Variants in SBF2 observed in about 807,000 individuals in gnomAD.
The protein encoded by SBF2 is myotubularin-related protein 13.
A neutral mutation model predicts 225.2 loss-of-function variants in SBF2; 112 were observed. The observed-to-expected ratio is 0.50, with a 90% confidence interval of 0.43 to 0.58. SBF2 has a LOEUF of 0.58. SBF2 is among the 20% of genes least tolerant of loss of function. The probability of loss-of-function intolerance (pLI) is 0.00; values close to 1 mark genes in which losing one functional copy is unlikely to be tolerated. For missense variants in SBF2, 1,996 were observed against 2,206.2 expected (o/e 0.90, Z 1.91); for synonymous variants, 763 against 773.3 (o/e 0.99, Z 0.22).
Position 10,124,692 on chromosome 11 carries a change from A to G in SBF2, c.141+69210T>C, listed in dbSNP as rs1193117173. Among the ~76,000 whole-genome samples the G allele has an allele frequency of 5.3e-5, 8 of 152,306 alleles. No homozygotes were observed. In the South Asian group the frequency reaches 1.5e-3, roughly 28 times the overall value. ...TTTATTTGTAGATAGAGCTATCACA[A>G]TGTTATTCCTTTAAAGCACCTGGGC... On this transcript the variant is annotated intron_variant, in intron 2 of 39. Coordinates refer to ENST00000256190, the MANE Select transcript of SBF2 (RefSeq NM_030962.4).
intron 16 of SBF2, chr11:9,957,779 T>G (rs1437536344): frequency 6.6e-6 from 1 of 152,070 alleles, no homozygotes; most frequent in East Asian, 1.9e-4. Flanking sequence ...CATTTAAATA[T>G]AAAAACACTA....
At chr11:10,197,730 C>T (rs1250393655) in intron 1 of SBF2, among the ~76,000 whole-genome samples, 1 of 152,256 alleles carries the variant, frequency 6.6e-6, no homozygotes, top group African/African-American at 2.4e-5. Flanking sequence ...AATCATTCCT[C>T]TCAAACCCTG....
At chr11:10,064,136 G>C (rs1186845222) in intron 2 of SBF2, among the ~76,000 whole-genome samples, 1 of 152,018 alleles carries the variant, frequency 6.6e-6, no homozygotes, top group Non-Finnish European at 1.5e-5. Context: ...TAACACTGCA[G>C]CATGGGGTTT....
Position 9,808,188 on chromosome 11 carries a change from A to G in SBF2, c.4258-3T>C. Reference sequence around the variant, plus strand: ...AGTAACTGAACCAGGGATGTCACCTAGGGCATAAGCAGGATGGATTGTCAT... The same window carrying G: ...AGTAACTGAACCAGGGATGTCACCTGGGGCATAAGCAGGATGGATTGTCAT... On this transcript the variant is annotated splice_polypyrimidine_tract_variant and splice_region_variant and intron_variant, in intron 31 of 39. Coordinates refer to ENST00000256190, the MANE Select transcript of SBF2 (RefSeq NM_030962.4). 6.2e-7 allele frequency: 1 copy of G among 1,613,330 alleles called. No homozygotes were observed. Among genetic ancestry groups the G allele is most frequent in the Non-Finnish European group, 8.5e-7 (1 of 1,179,608 alleles).
chr11:9,974,531 A>G (rs1946588711), intron 13 of SBF2, among the ~76,000 whole-genome samples: 1 of 151,998 alleles, frequency 6.6e-6, no homozygotes, highest in Non-Finnish European at 1.5e-5. Flanking sequence ...TACGAAGGCA[A>G]CATACAGTGA....
In SBF2 at chr11:9,946,595, C is replaced by A. The variant is rs538319344; in HGVS notation, c.1860+15362G>T. ...CCTCCCGAGTAGCTGGGATTACAGG[C>A]ATGCGCCACCATGCCTGGCTAATTT... On this transcript the variant is annotated intron_variant, in intron 16 of 39. Transcript: ENST00000256190. Among the ~76,000 whole-genome samples, 76 of 151,978 alleles carry A rather than the reference C, an allele frequency of 5.0e-4. No homozygotes were observed. In the South Asian group the frequency reaches 0.015, roughly 30 times the overall value.
At chr11:10,036,996 G>A (rs763278584) in intron 3 of SBF2, among the ~76,000 whole-genome samples, 4 of 152,134 alleles carry the variant, frequency 2.6e-5, no homozygotes, top group Non-Finnish European at 4.4e-5. Flanking sequence ...AATCCCAAAA[G>A]TTTCTCCTGT....
At chr11:10,060,673 C>A (rs552692326) in intron 2 of SBF2, among the ~76,000 whole-genome samples, 1 of 152,242 alleles carries the variant, frequency 6.6e-6, no homozygotes, top group Admixed American at 6.5e-5. Context: ...CATCAAAAAG[C>A]TAACCCACCA....
At chr11:10,225,451 T>C (rs1958503450) in intron 1 of SBF2, among the ~76,000 whole-genome samples, 1 of 152,014 alleles carries the variant, frequency 6.6e-6, no homozygotes, top group Non-Finnish European at 1.5e-5. Context: ...ACAATGTTCT[T>C]AAGAAAATAG....
chr11:10,154,895 C>G (rs1327346189), intron 2 of SBF2, among the ~76,000 whole-genome samples: 1 of 152,134 alleles, frequency 6.6e-6, no homozygotes, highest in Non-Finnish European at 1.5e-5. Context: ...TTCACCAATA[C>G]ACATACAATG....
intron 2 of SBF2, among the ~76,000 whole-genome samples, chr11:10,134,006 G>A (rs977976447): frequency 6.6e-5 from 10 of 152,188 alleles, no homozygotes; most frequent in Admixed American, 2.0e-4. Context: ...GTATTAGTCC[G>A]ATTTTATGCT....
At chr11:9,868,598 G>T (rs1858447939) in intron 17 of SBF2, among the ~76,000 whole-genome samples, 1 of 152,130 alleles carries the variant, frequency 6.6e-6, no homozygotes, top group Non-Finnish European at 1.5e-5. Context: ...TGCTTAACTT[G>T]AGTAGGAATT....
intron 17 of SBF2, among the ~76,000 whole-genome samples, chr11:9,868,337 C>CAAAAAAAAAAA (rs35348349): frequency 1.3e-3 from 34 of 26,360 alleles, no homozygotes; most frequent in South Asian, 5.1e-3. Flanking sequence ...TACAAAAATA[C>CAAAAAAAAAAA]AAAAAAAAAA....
intron 16 of SBF2, among the ~76,000 whole-genome samples, chr11:9,948,970 A>G (rs1865709437): frequency 6.6e-6 from 1 of 152,056 alleles, no homozygotes; most frequent in South Asian, 2.1e-4. Flanking sequence ...TTTAAACTCA[A>G]TGTTTATAAG....
chr11:9,811,605 A>C (rs1406430374), intron 30 of SBF2, among the ~76,000 whole-genome samples: 1 of 152,208 alleles, frequency 6.6e-6, no homozygotes, highest in Non-Finnish European at 1.5e-5. Flanking sequence ...AAATTGCCTT[A>C]ATAATAATGA....
intron 2 of SBF2, among the ~76,000 whole-genome samples, chr11:10,145,124 A>G (rs192548567): frequency 4.9e-4 from 75 of 152,332 alleles, no homozygotes; most frequent in African/African-American, 1.7e-3. Flanking sequence ...CCAGGGCCTC[A>G]GTTAGGACAA....
chr11:9,847,838 GAATATAAT>G (rs1856661726), intron 22 of SBF2, among the ~76,000 whole-genome samples: 1 of 152,176 alleles, frequency 6.6e-6, no homozygotes, highest in Non-Finnish European at 1.5e-5. Context: ...GTCACATGCA[GAATATAAT>G]AATATGTGGT....
At position 9,850,133 on chromosome 11, in the gene SBF2, T is replaced by C; in HGVS notation, c.2696A>G (p.Glu899Gly). 3 of 1,614,110 alleles carry C rather than the reference T, an allele frequency of 1.9e-6. No individual in the cohort carries two copies. The highest frequency in any genetic ancestry group is 2.5e-6 in the Non-Finnish European group (3 of 1,180,000). The change falls in exon 22 of 40, where the codon GAA becomes GGA. Residue 899 changes from glutamate to glycine, a missense_variant. Physicochemically the swap from Glu to Gly is moderately conservative, Grantham distance 98. Coordinates refer to ENST00000256190, the MANE Select transcript of SBF2 (RefSeq NM_030962.4). Reference protein sequence around the residue: ...LRVLLDPDGREEATGGLLGGP... With the variant: ...LRVLLDPDGRGEATGGLLGGP... ...TCCAAGAAGACCTCCAGTAGCTTCT[T>C]CTCTTCCATCAGGATCCAGCAAGAC...
chr11:10,093,077 C>T (rs955634988), intron 2 of SBF2, among the ~76,000 whole-genome samples: 1 of 151,254 alleles, frequency 6.6e-6, no homozygotes, highest in African/African-American at 2.4e-5. Flanking sequence ...AGGGCAGTGG[C>T]ATGAACCCTG....
Sources: allele counts gnomAD v4.1 joint callset (sites outside exome capture counted in the v4.1 genomes callset), GRCh38; gene constraint gnomAD v4.1.1; transcripts MANE v1.5; gene names NCBI Gene and HGNC (gene_info 2026-07-23, HGNC 2026-07-21).